The following C1orf141 variants were observed in gnomAD, a reference collection of about 807,000 sequenced individuals.
The protein encoded by C1orf141 is uncharacterized protein C1orf141.
C1orf141 carries 19 observed loss-of-function variants against 23.2 expected under a neutral mutation model. The ratio of observed to expected loss-of-function variants is 0.82; its 90% CI spans 0.57 to 1.20. C1orf141 has a LOEUF of 1.20. C1orf141 is among the 50% of genes most tolerant of loss of function. The pLI, the probability that C1orf141 is intolerant of heterozygous loss-of-function variation, is 0.00. For missense variants in C1orf141, 469 were observed against 455.1 expected (o/e 1.03, Z -0.28); for synonymous variants, 153 against 154.6 (o/e 0.99, Z 0.08).
At chr1:67,124,400 C>T (rs1020774567) in intron 4 of C1orf141, among the ~76,000 whole-genome samples, 1 of 152,126 alleles carries the variant, frequency 6.6e-6, no homozygotes, top group Non-Finnish European at 1.5e-5. Flanking sequence ...GCAACCTCTG[C>T]CTCCCGAGTT....
chr1:67,092,991 G>T lies in C1orf141; in HGVS notation c.*14C>A, dbSNP rs1645584202. ...TGCTTCTTGTTACTCAAATATTGCT[G>T]CATACATAATATTTTATGAGGCATT... is the stretch of plus-strand genomic sequence containing the variant. On this transcript the variant is annotated 3_prime_UTR_variant, in exon 8 of 8. Coordinates refer to ENST00000684719, the MANE Select transcript of C1orf141 (RefSeq NM_001276351.2). 1.3e-6 allele frequency: 2 copies of T among 1,545,950 alleles called. No homozygotes were observed. Among genetic ancestry groups the T allele is most frequent in the East Asian group, 4.5e-5 (2 of 44,258 alleles).
intron 3 of C1orf141, 85 bp from the exon 4 acceptor site, chr1:67,125,994 C>T (rs934056054): frequency 7.4e-7 from 1 of 1,349,346 alleles, no homozygotes; most frequent in African/African-American, 1.5e-5. Context: ...GAAAAAAAAT[C>T]TCACTTTACA....
chr1:67,113,969 A>G (rs1280202743), intron 5 of C1orf141, among the ~76,000 whole-genome samples: 1 of 152,214 alleles, frequency 6.6e-6, no homozygotes, highest in East Asian at 1.9e-4. Flanking sequence ...GAAGCCCAAC[A>G]TGCCAAGCCA....
chr1:67,119,446 T>C (rs529295183), intron 4 of C1orf141, among the ~76,000 whole-genome samples: 2 of 152,156 alleles, frequency 1.3e-5, no homozygotes, highest in South Asian at 4.1e-4. Context: ...CTGATGTTTA[T>C]AGTAAAATGC....
At position 67,122,699 on chromosome 1, in the gene C1orf141, A is replaced by G. The variant is rs1646323196; in HGVS notation, c.233+3053T>C. On this transcript the variant is annotated intron_variant, in intron 4 of 7. Coordinates refer to ENST00000684719, the MANE Select transcript of C1orf141 (RefSeq NM_001276351.2). The stretch of plus-strand genomic sequence containing the variant: ...ATATTTTCCCAAAAGTTCATCCATT[A>G]TTACACCCATGTGTCAAAGCAATGT... 2 of 152,146 alleles carry G rather than the reference A, an allele frequency of 1.3e-5. 1 individual carries two copies. The highest frequency in any genetic ancestry group is 4.1e-4 in the South Asian group (2 of 4,828). 9.4% of individuals were successfully genotyped at this position (152,146 alleles called of 1,614,324 possible).
At chr1:67,100,855 T>C (rs1444238942) in intron 5 of C1orf141, among the ~76,000 whole-genome samples, 4 of 152,228 alleles carry the variant, frequency 2.6e-5, no homozygotes, top group Non-Finnish European at 4.4e-5. Context: ...GGCACTTAGC[T>C]ACCTCAGTAG....
At chr1:67,096,864 A>G (rs1250085821) in intron 5 of C1orf141, among the ~76,000 whole-genome samples, 2 of 152,206 alleles carry the variant, frequency 1.3e-5, no homozygotes, top group Non-Finnish European at 2.9e-5. Flanking sequence ...TTTCCCATAT[A>G]ATGGCAAGCA....
In C1orf141 at chr1:67,125,853, A is replaced by G. The variant is rs773567080; in HGVS notation, c.132T>C (p.Phe44=). ...RKTTMAIPLT[F]DFQLEFEEAL... is the part of the protein sequence containing the mutation. Reference sequence around the variant, plus strand: ...CTTCTTCAAATTCCAACTGAAAATCAAATGTCAGGGGTATAGCCATAGTTG... The same window carrying G: ...CTTCTTCAAATTCCAACTGAAAATCGAATGTCAGGGGTATAGCCATAGTTG... The change falls in exon 4 of 8, where the codon TTT becomes TTC. Residue 44 remains phenylalanine, a synonymous_variant. Coordinates refer to ENST00000684719, the MANE Select transcript of C1orf141 (RefSeq NM_001276351.2). 6.2e-6 allele frequency: 10 copies of G among 1,613,814 alleles called. No homozygotes were observed. The highest frequency in any genetic ancestry group is 8.5e-6 in the Non-Finnish European group (10 of 1,179,924).
chr1:67,113,653 C>A, intron 5 of C1orf141: 1 of 1,205,736 alleles, frequency 8.3e-7, no homozygotes, highest in Non-Finnish European at 1.1e-6. Context: ...CCATGAGCCA[C>A]CGTGCCCGGC....
intron 5 of C1orf141, 105 bp from the exon 6 acceptor site, chr1:67,096,426 C>A: frequency 1.6e-6 from 1 of 611,056 alleles, no homozygotes; most frequent in East Asian, 2.9e-5. Flanking sequence ...ATGGAAAGTA[C>A]CTAGTATAGT....
intron 5 of C1orf141, among the ~76,000 whole-genome samples, chr1:67,101,592 C>A (rs1326337256): frequency 6.6e-6 from 1 of 151,796 alleles, no homozygotes; most frequent in East Asian, 1.9e-4. Flanking sequence ...GCACTGACTT[C>A]TGGAAGATTC....
intron 5 of C1orf141, among the ~76,000 whole-genome samples, chr1:67,100,059 CAT>C (rs1326933512): frequency 1.4e-4 from 21 of 152,080 alleles, no homozygotes; most frequent in Admixed American, 5.9e-4. Context: ...ATAAAATACA[CAT>C]ATTTTAATGT....
intron 2 of C1orf141, among the ~76,000 whole-genome samples, chr1:67,129,229 G>T (rs1646474594): frequency 6.6e-6 from 1 of 152,000 alleles, no homozygotes; most frequent in African/African-American, 2.4e-5. Context: ...GCTGATGCAG[G>T]AGGATTGCTT....
Position 67,093,185 on chromosome 1 carries a change from A to T in C1orf141, c.1023T>A (p.Ser341Arg). The T allele has an allele frequency of 1.2e-6, 2 of 1,613,752 alleles. No homozygotes were observed. Among genetic ancestry groups the T allele is most frequent in the Non-Finnish European group, 1.7e-6 (2 of 1,179,740 alleles). Residue 341 changes from serine to arginine, a missense_variant, in exon 8 of 8, where the codon AGT (serine) becomes AGA (arginine). By Grantham distance (110) the Ser-to-Arg change is moderately radical (BLOSUM62 -1). Transcript: ENST00000684719. ...YLDKAVIHEM[S>R]AQTGKFERMF... Reference sequence around the variant, plus strand: ...TTCTTTCAAATTTTCCAGTTTGGGCACTCATTTCATGAATAACAGCTTTAT... The same window carrying T: ...TTCTTTCAAATTTTCCAGTTTGGGCTCTCATTTCATGAATAACAGCTTTAT...
intron 5 of C1orf141, among the ~76,000 whole-genome samples, chr1:67,105,325 C>CAA (rs3052331): frequency 2.2e-5 from 2 of 92,296 alleles, no homozygotes; most frequent in Admixed American, 2.5e-4. Flanking sequence ...GACTATTTCT[C>CAA]AAAAAAAAAA....
rs759521878 is a variant in C1orf141 at position 67,115,351 on chromosome 1, C to A, written c.346+1G>T. 2 of 1,040,476 alleles carry A rather than the reference C, an allele frequency of 1.9e-6. No homozygotes were observed. Among genetic ancestry groups the A allele is most frequent in the Non-Finnish European group, 3.0e-6 (2 of 677,408 alleles). The allele number at this position is 1,040,476 out of a possible 1,614,324, so 64.5% of individuals were successfully genotyped here. A position where few individuals can be genotyped will look rare whatever the true frequency, so the allele number is the denominator to read the frequency against. On this transcript the variant is annotated splice_donor_variant, in intron 5 of 7. Transcript: ENST00000684719. LOFTEE classifies it high-confidence loss of function. The stretch of plus-strand genomic sequence containing the variant: ...AGTAAATATGTTACACAAAGCATTA[C>A]CTGTTGACTCACTTTCTTTATTTTT...
intron 5 of C1orf141, among the ~76,000 whole-genome samples, chr1:67,108,634 A>T (rs1330575903): frequency 6.6e-6 from 1 of 152,160 alleles, no homozygotes; most frequent in African/African-American, 2.4e-5. Context: ...AAGCTGAGGC[A>T]GTAGAATCAC....
chr1:67,135,807 A>G (rs1320791692), upstream of C1orf141, among the ~76,000 whole-genome samples: 3 of 151,042 alleles, frequency 2.0e-5, no homozygotes, highest in African/African-American at 7.3e-5. Context: ...TAGGGGGAAA[A>G]GCTTTAAAAA....
intron 1 of C1orf141, among the ~76,000 whole-genome samples, chr1:67,131,786 C>CTTT (rs796496335): frequency 2.9e-3 from 348 of 121,434 alleles, no homozygotes; most frequent in Non-Finnish European, 3.4e-3. Flanking sequence ...ACTACCTCTT[C>CTTT]TTTTTTTTTT....
Sources: gnomAD v4.1 joint callset for allele counts (sites outside exome capture counted in the v4.1 genomes callset) on GRCh38, gnomAD v4.1.1 for gene constraint, MANE v1.5 for transcripts, NCBI Gene and HGNC (gene_info 2026-07-23, HGNC 2026-07-21) for gene names.